Variants in ADAMTSL1 observed in about 807,000 individuals in gnomAD.
ADAMTSL1 encodes the protein ADAMTS like 1, also known as ADAMTS-like protein 1.
ADAMTSL1 carries 126 observed loss-of-function variants against 201.8 expected under a neutral mutation model. The ratio of observed to expected loss-of-function variants is 0.62; its 90% CI spans 0.54 to 0.72. The LOEUF (loss-of-function observed/expected upper bound fraction) is 0.72. ADAMTSL1 is among the 30% of genes least tolerant of loss of function. The pLI is 0.00. For synonymous variants in ADAMTSL1, 1,121 were observed against 903.4 expected (o/e 1.24, Z -4.32); for missense variants, 2,679 against 2,277.8 (o/e 1.18, Z -3.59).
rs554345774 is a variant in ADAMTSL1 at position 18,387,678 on chromosome 9, A to G, written c.208-117151A>G. Among the ~76,000 whole-genome samples the G allele has an allele frequency of 1.1e-4, 16 of 152,182 alleles. No individual in the cohort carries two copies. In the South Asian group the frequency reaches 1.9e-3, roughly 18 times the overall value. Reference sequence around the variant, plus strand: ...TTTAATTGATTTTGAATTTAATTGCATTATAATCAAATAACATTAACTATA... The same window carrying G: ...TTTAATTGATTTTGAATTTAATTGCGTTATAATCAAATAACATTAACTATA... On this transcript the variant is annotated intron_variant, in intron 2 of 29. Coordinates refer to the ADAMTSL1 transcript ENST00000680146.
intron 2 of ADAMTSL1, among the ~76,000 whole-genome samples, chr9:18,407,432 G>A (rs1818253420): frequency 6.6e-6 from 1 of 152,184 alleles, no homozygotes; most frequent in African/African-American, 2.4e-5. Context: ...ATTGAATCCT[G>A]GAATGAATGA....
intron 2 of ADAMTSL1, among the ~76,000 whole-genome samples, chr9:18,373,078 A>G (rs1837120902): frequency 6.6e-6 from 1 of 152,142 alleles, no homozygotes; most frequent in African/African-American, 2.4e-5. Flanking sequence ...TCCTGCTATA[A>G]TTTCTAAAAT....
At chr9:18,588,884 C>CATATATAT (rs754566534) in intron 4 of ADAMTSL1, among the ~76,000 whole-genome samples, 33 of 122,838 alleles carry the variant, frequency 2.7e-4, no homozygotes, top group African/African-American at 9.2e-4. Context: ...TATACATATA[C>CATATATAT]ATATATATAT....
At chr9:18,677,947 A>C (rs550366793) in intron 10 of ADAMTSL1, among the ~76,000 whole-genome samples, 1 of 152,168 alleles carries the variant, frequency 6.6e-6, no homozygotes, top group East Asian at 1.9e-4. Context: ...AGGCTCAAAA[A>C]TGGTTCTCAA....
At chr9:18,318,701 A>C (rs1392874408) in intron 2 of ADAMTSL1, among the ~76,000 whole-genome samples, 1 of 151,758 alleles carries the variant, frequency 6.6e-6, no homozygotes, top group Admixed American at 6.6e-5. Context: ...TCTCCTCTAG[A>C]GGCCATGTTT....
chr9:18,507,267 A>G (rs1208278093), intron 2 of ADAMTSL1, among the ~76,000 whole-genome samples: 1 of 152,200 alleles, frequency 6.6e-6, no homozygotes, highest in African/African-American at 2.4e-5. Context: ...ATATGACCAC[A>G]TTAGCATATT....
Position 18,675,870 on chromosome 9 carries a change from C to T in ADAMTSL1, c.1099C>T (p.Gln367Ter). 6.2e-7 allele frequency: 1 copy of T among 1,613,242 alleles called. No individual in the cohort carries two copies. Among genetic ancestry groups the T allele is most frequent in the Non-Finnish European group, 8.5e-7 (1 of 1,179,344 alleles). The part of the protein sequence containing the change: ...DPCPASDGYK[Q>*]IMPYDLYHPL... Reference sequence around the variant, plus strand: ...TGTTCCTAACAGTGACGGATACAAGCAGATCATGCCTTATGACCTCTACCA... The same window carrying T: ...TGTTCCTAACAGTGACGGATACAAGTAGATCATGCCTTATGACCTCTACCA... The change falls in exon 10 of 29, where the codon CAG becomes TAG. Residue 367 changes from glutamine (Q) to a stop codon, truncating the protein, a stop_gained. Coordinates refer to ENST00000380548, the MANE Select transcript of ADAMTSL1 (RefSeq NM_001040272.6). LOFTEE classifies it high-confidence loss of function.
chr9:18,865,322 AGAAT>A (rs1274345572), intron 23 of ADAMTSL1, among the ~76,000 whole-genome samples: 1 of 152,110 alleles, frequency 6.6e-6, no homozygotes, highest in Non-Finnish European at 1.5e-5. Flanking sequence ...TAGTTTGCTG[AGAAT>A]GATGGTTTCC....
At chr9:18,138,247 AT>A (rs1235773660) in intron 1 of ADAMTSL1, among the ~76,000 whole-genome samples, 1 of 143,598 alleles carries the variant, frequency 7.0e-6, no homozygotes, top group African/African-American at 2.5e-5. Context: ...ATGTATTATA[AT>A]TATTATACTT....
chr9:18,543,979 T>C (rs1431233489), intron 3 of ADAMTSL1, among the ~76,000 whole-genome samples: 1 of 152,192 alleles, frequency 6.6e-6, no homozygotes, highest in African/African-American at 2.4e-5. Flanking sequence ...TATCCTCTGC[T>C]TCAACTCTGA....
chr9:18,369,470 A>T (rs1422111243), intron 2 of ADAMTSL1, among the ~76,000 whole-genome samples: 1 of 152,198 alleles, frequency 6.6e-6, no homozygotes, highest in South Asian at 2.1e-4. Context: ...TTAAAAAGTC[A>T]AAAAACAACA....
At chr9:18,452,690 G>T (rs868122766) in intron 2 of ADAMTSL1, among the ~76,000 whole-genome samples, 5 of 152,354 alleles carry the variant, frequency 3.3e-5, no homozygotes, top group Middle Eastern at 3.4e-3. Flanking sequence ...GAAAGGGGTT[G>T]CTGCCTCCAA....
chr9:18,043,760 T>C (rs1444906628), intron 1 of ADAMTSL1, among the ~76,000 whole-genome samples: 2 of 152,060 alleles, frequency 1.3e-5, no homozygotes, highest in East Asian at 3.9e-4. Context: ...ATACTTTTGC[T>C]AATAAAAAAT....
intron 14 of ADAMTSL1, chr9:18,717,926 A>G (rs953386517): frequency 8.1e-7 from 1 of 1,239,960 alleles, no homozygotes; most frequent in Non-Finnish European, 1.2e-6. Context: ...ATTGAATTGG[A>G]CAACAGTTCT....
chr9:18,545,375 G>T (rs982908615), intron 3 of ADAMTSL1, among the ~76,000 whole-genome samples: 2 of 152,110 alleles, frequency 1.3e-5, no homozygotes, highest in Non-Finnish European at 2.9e-5. Flanking sequence ...GGAGCTATAT[G>T]GGTGATCTGG....
At chr9:18,898,749 A>G (rs1001390683) in intron 26 of ADAMTSL1, among the ~76,000 whole-genome samples, 3 of 152,226 alleles carry the variant, frequency 2.0e-5, no homozygotes, top group Non-Finnish European at 4.4e-5. Context: ...ATAAAATTCA[A>G]CATCACCTTC....
intron 1 of ADAMTSL1, among the ~76,000 whole-genome samples, chr9:18,127,958 A>G (rs139379318): frequency 1.3e-5 from 2 of 152,242 alleles, no homozygotes; most frequent in African/African-American, 4.8e-5. Flanking sequence ...TAGAAGAGGC[A>G]TTTGCAAATA....
At chr9:18,818,158 T>A (rs1823981194) in intron 21 of ADAMTSL1, among the ~76,000 whole-genome samples, 2 of 152,228 alleles carry the variant, frequency 1.3e-5, no homozygotes, top group African/African-American at 4.8e-5. Flanking sequence ...GGGGTTTCAC[T>A]GCCACAATGG....
intron 2 of ADAMTSL1, among the ~76,000 whole-genome samples, chr9:18,175,308 A>G (rs1828091858): frequency 1.3e-5 from 2 of 152,020 alleles, no homozygotes; most frequent in South Asian, 4.1e-4. Flanking sequence ...TTCCTAGTAG[A>G]CTCACCTTCC....
Sources: allele counts gnomAD v4.1 joint callset (sites outside exome capture counted in the v4.1 genomes callset), GRCh38; gene constraint gnomAD v4.1.1; transcripts MANE v1.5; gene names NCBI Gene and HGNC (gene_info 2026-07-23, HGNC 2026-07-21).